PLD5: variants seen among roughly 807,000 people sequenced by gnomAD.
PLD5 encodes the protein phospholipase D family member 5.
PLD5 carries 36 observed loss-of-function variants against 61.1 expected under a neutral mutation model. The observed-to-expected ratio is 0.59, with a 90% confidence interval of 0.45 to 0.78. PLD5 has a LOEUF of 0.78. Ranked by LOEUF, PLD5 falls within the 30% of genes least tolerant of loss-of-function variation. PLD5 has a pLI of 0.00. For synonymous variants in PLD5, 243 were observed against 242.8 expected (o/e 1.00, Z -0.01); for missense variants, 515 against 644.4 (o/e 0.80, Z 2.17).
chr1:242,392,806 A>G (rs576661760), intron 1 of PLD5, among the ~76,000 whole-genome samples: 45 of 152,208 alleles, frequency 3.0e-4, no homozygotes, highest in Non-Finnish European at 5.6e-4. Context: ...TTCTGTCCAG[A>G]AAGTTTGAAA....
chr1:242,248,042 A>G (rs1672490060), intron 4 of PLD5, among the ~76,000 whole-genome samples: 1 of 152,126 alleles, frequency 6.6e-6, no homozygotes, highest in Non-Finnish European at 1.5e-5. Context: ...CTTTTTATCA[A>G]GTTGGTATAA....
chr1:242,378,016 G>A (rs1662062575), intron 1 of PLD5, among the ~76,000 whole-genome samples: 1 of 152,006 alleles, frequency 6.6e-6, no homozygotes, highest in South Asian at 2.1e-4. Context: ...CCACTTTTAG[G>A]TATACATCAA....
At chr1:242,186,964 T>C (rs1667943597) in intron 5 of PLD5, among the ~76,000 whole-genome samples, 1 of 152,204 alleles carries the variant, frequency 6.6e-6, no homozygotes, top group South Asian at 2.1e-4. Flanking sequence ...AAATTTTCAA[T>C]TTTTCACTGA....
intron 1 of PLD5, among the ~76,000 whole-genome samples, chr1:242,499,928 G>T (rs1668499572): frequency 6.6e-6 from 1 of 152,130 alleles, no homozygotes; most frequent in Admixed American, 6.5e-5. Context: ...CCAGAACCTT[G>T]GCTGGAATGA....
chr1:242,229,788 T>G (rs529619584), intron 4 of PLD5, among the ~76,000 whole-genome samples: 71 of 152,302 alleles, frequency 4.7e-4, no homozygotes, highest in African/African-American at 1.6e-3. Context: ...TCCTTGGGAT[T>G]CTTTTTTTCC....
intron 5 of PLD5, among the ~76,000 whole-genome samples, chr1:242,204,226 G>A (rs576535896): frequency 6.6e-6 from 1 of 151,064 alleles, no homozygotes; most frequent in African/African-American, 2.4e-5. Context: ...CTGGGCGACA[G>A]AGCGAGACTC....
chr1:242,479,873 C>A (rs111826360), intron 1 of PLD5, among the ~76,000 whole-genome samples: 1 of 149,734 alleles, frequency 6.7e-6, no homozygotes, highest in Non-Finnish European at 1.5e-5. Context: ...GAAACCCCGT[C>A]TCTACTAAAA....
chr1:242,404,875 AT>A (rs11361107), intron 1 of PLD5, among the ~76,000 whole-genome samples: 1,346 of 75,356 alleles, frequency 0.018, 20 homozygotes, highest in East Asian at 0.054. Flanking sequence ...TTCCCTGCTA[AT>A]TTTTTTTTTT....
intron 5 of PLD5, among the ~76,000 whole-genome samples, chr1:242,135,699 G>C (rs1452859750): frequency 6.6e-6 from 1 of 152,082 alleles, no homozygotes; most frequent in East Asian, 1.9e-4. Context: ...ACAATCCAGG[G>C]TCATGATTGA....
In PLD5 at chr1:242,306,740, AACACACACACAC is replaced by A. The variant is rs34083497; in HGVS notation, c.327-18222_327-18211del. The stretch of plus-strand genomic sequence containing the variant: ...GAGAAAGAGAATAAGAATTTATTAA[AACACACACACAC>A]ACACACACACACACACACACACACA... On this transcript the variant is annotated intron_variant, in intron 2 of 9. Coordinates refer to ENST00000536534, the MANE Select transcript of PLD5 (RefSeq NM_001372062.1). Among the ~76,000 whole-genome samples, 100 of 141,110 alleles carry A rather than the reference AACACACACACAC, an allele frequency of 7.1e-4. 1 individual carries two copies. Among genetic ancestry groups the A allele is most frequent in the African/African-American group, 1.8e-3 (68 of 38,432 alleles). 92.6% of individuals were successfully genotyped at this position (141,110 alleles called of 152,430 possible).
At chr1:242,395,611 G>A (rs1368394583) in intron 1 of PLD5, among the ~76,000 whole-genome samples, 2 of 152,140 alleles carry the variant, frequency 1.3e-5, no homozygotes, top group South Asian at 2.1e-4. Flanking sequence ...GAAAGGGAGA[G>A]GCAGTATTGA....
chr1:242,087,028 C>T lies in PLD5; in HGVS notation c.*2826G>A, dbSNP rs1417657059. On this transcript the variant is annotated 3_prime_UTR_variant, in exon 10 of 10. Coordinates refer to ENST00000536534, the MANE Select transcript of PLD5 (RefSeq NM_001372062.1). ...GTTGATAGTTTGTTTAGCACAGAAA[C>T]AAGTCTAAAAGAAAGGAAAGCCGTC... The T allele has an allele frequency of 6.6e-6, 1 of 152,044 alleles. No individual in the cohort carries two copies. The highest frequency in any genetic ancestry group is 1.5e-5 in the Non-Finnish European group (1 of 68,022). 9.4% of individuals were successfully genotyped at this position (152,044 alleles called of 1,614,324 possible). A position where few individuals can be genotyped will look rare whatever the true frequency, so the allele number is the denominator to read the frequency against.
chr1:242,292,175 GC>G (rs1675405301), intron 2 of PLD5, among the ~76,000 whole-genome samples: 1 of 152,122 alleles, frequency 6.6e-6, no homozygotes, highest in Non-Finnish European at 1.5e-5. Flanking sequence ...GTTAATAGAA[GC>G]TAGACATAGC....
intron 2 of PLD5, among the ~76,000 whole-genome samples, chr1:242,329,694 T>A (rs928037578): frequency 6.6e-6 from 1 of 152,226 alleles, no homozygotes; most frequent in Non-Finnish European, 1.5e-5. Flanking sequence ...CTAATCCATA[T>A]CATCGGGGGA....
intron 5 of PLD5, among the ~76,000 whole-genome samples, chr1:242,162,784 A>G (rs1319649947): frequency 6.6e-6 from 1 of 151,996 alleles, no homozygotes; most frequent in Non-Finnish European, 1.5e-5. Flanking sequence ...CTGCTAAATT[A>G]GAATAGACAG....
At chr1:242,455,479 CCTTATTA>C (rs1382553278) in intron 1 of PLD5, among the ~76,000 whole-genome samples, 1 of 152,186 alleles carries the variant, frequency 6.6e-6, no homozygotes, top group Non-Finnish European at 1.5e-5. Flanking sequence ...AGTGAAATCT[CCTTATTA>C]ACCTTTGACC....
chr1:242,288,641 A>G, intron 2 of PLD5, 111 bp from the exon 3 acceptor site: 1 of 1,433,424 alleles, frequency 7.0e-7, no homozygotes. Flanking sequence ...ACTCATTCTG[A>G]ATGCATTCTC....
At chr1:242,526,276 C>T (rs1441323340), upstream of PLD5, among the ~76,000 whole-genome samples, 2 of 152,090 alleles carry the variant, frequency 1.3e-5, no homozygotes, top group Non-Finnish European at 2.9e-5. Flanking sequence ...GTTTCAGCTA[C>T]CTGGGAGGCT....
chr1:242,205,908 G>C (rs1321377882), intron 5 of PLD5, among the ~76,000 whole-genome samples: 1 of 152,168 alleles, frequency 6.6e-6, no homozygotes, highest in Non-Finnish European at 1.5e-5. Flanking sequence ...AAAATCAAAG[G>C]TGCTTTAAGC....
Sources: allele counts gnomAD v4.1 joint callset (sites outside exome capture counted in the v4.1 genomes callset), GRCh38; gene constraint gnomAD v4.1.1; transcripts MANE v1.5; gene names NCBI Gene and HGNC (gene_info 2026-07-23, HGNC 2026-07-21).